PARD3: variants seen among roughly 807,000 people sequenced by gnomAD.
PARD3 encodes partitioning defective 3 homolog.
Under a neutral mutation model 155.4 loss-of-function variants are expected in PARD3, and 75 were observed. The ratio of observed to expected loss-of-function variants is 0.48; its 90% CI spans 0.40 to 0.58. The LOEUF is 0.58. PARD3 is among the 20% of genes least tolerant of loss of function. The pLI, the probability that PARD3 is intolerant of heterozygous loss-of-function variation, is 0.00. For missense variants in PARD3, 1,642 were observed against 1,721.7 expected (o/e 0.95, Z 0.82); for synonymous variants, 576 against 610.5 (o/e 0.94, Z 0.83).
intron 22 of PARD3, among the ~76,000 whole-genome samples, chr10:34,158,738 A>G (rs1287338618): frequency 6.6e-6 from 1 of 152,210 alleles, no homozygotes; most frequent in Non-Finnish European, 1.5e-5. Context: ...ACCACTAGCT[A>G]CAAGTGGCTA....
At chr10:34,149,100 T>C (rs1310934244) in intron 22 of PARD3, among the ~76,000 whole-genome samples, 2 of 152,100 alleles carry the variant, frequency 1.3e-5, no homozygotes, top group Admixed American at 1.3e-4. Flanking sequence ...AATCTTATAA[T>C]TGATTAAAAA....
intron 2 of PARD3, among the ~76,000 whole-genome samples, chr10:34,605,180 ATTTTTTTTTTT>A (rs750688603): frequency 3.2e-5 from 2 of 62,430 alleles, no homozygotes; most frequent in African/African-American, 1.1e-4. Flanking sequence ...CCAAAATGAA[ATTTTTTTTTTT>A]TTTTTTTTTT....
intron 4 of PARD3, among the ~76,000 whole-genome samples, chr10:34,456,256 T>G (rs185407115): frequency 6.6e-6 from 1 of 152,300 alleles, no homozygotes; most frequent in East Asian, 1.9e-4. Flanking sequence ...CAGCACCTCT[T>G]TAGCTCAAAT....
intron 16 of PARD3, among the ~76,000 whole-genome samples, chr10:34,339,162 T>C (rs1257343710): frequency 2.0e-5 from 3 of 152,228 alleles, no homozygotes; most frequent in Non-Finnish European, 4.4e-5. Flanking sequence ...TTTTATATAT[T>C]GTCAGTGGAT....
At chr10:34,390,929 A>G (rs1417954102) in intron 7 of PARD3, among the ~76,000 whole-genome samples, 1 of 152,248 alleles carries the variant, frequency 6.6e-6, no homozygotes, top group Non-Finnish European at 1.5e-5. Flanking sequence ...AAGAAAATTT[A>G]AAAATATACA....
Position 34,665,840 on chromosome 10 carries a change from A to AAGAACAGAACAGAACAGAACAGAGC in PARD3, c.222+30477_222+30478insGCTCTGTTCTGTTCTGTTCTGTTCT, listed in dbSNP as rs2093441660. Among the ~76,000 whole-genome samples the AAGAACAGAACAGAACAGAACAGAGC allele has an allele frequency of 2.2e-5, 3 of 136,584 alleles. 1 individual carries two copies. Among genetic ancestry groups the AAGAACAGAACAGAACAGAACAGAGC allele is most frequent in the Non-Finnish European group, 4.6e-5 (3 of 64,538 alleles). 89.6% of individuals were successfully genotyped at this position (136,584 alleles called of 152,430 possible). A position where few individuals can be genotyped will look rare whatever the true frequency, so the allele number is the denominator to read the frequency against. On this transcript the variant is annotated intron_variant, in intron 2 of 24. Transcript: ENST00000374788. ...GCTTTTTGAGACTTCGTCTCAATTA[A>AAGAACAGAACAGAACAGAACAGAGC]AGAACAGAACAGAACAGAACAGAAC...
chr10:34,181,579 A>G (rs35046543), intron 22 of PARD3, among the ~76,000 whole-genome samples: 4,187 of 152,256 alleles, frequency 0.027, 85 homozygotes, highest in Non-Finnish European at 0.041. Context: ...CATTTTCTCA[A>G]TATGTGTTGA....
At chr10:34,571,779 A>C (rs1011291044) in intron 2 of PARD3, among the ~76,000 whole-genome samples, 4 of 152,252 alleles carry the variant, frequency 2.6e-5, no homozygotes, top group African/African-American at 4.8e-5. Context: ...CTGAGTTGTG[A>C]AATTACTCTT....
At chr10:34,524,942 G>A (rs904143460) in intron 2 of PARD3, among the ~76,000 whole-genome samples, 6 of 152,126 alleles carry the variant, frequency 3.9e-5, no homozygotes, top group East Asian at 1.9e-4. Context: ...TAATTATTAC[G>A]TAGACACAAC....
intron 1 of PARD3, among the ~76,000 whole-genome samples, chr10:34,698,134 C>T (rs1344422151): frequency 2.0e-5 from 3 of 151,716 alleles, no homozygotes; most frequent in Non-Finnish European, 2.9e-5. Context: ...TAAAATACTT[C>T]CACACACACA....
chr10:34,414,666 A>T (rs1199275525), intron 5 of PARD3, among the ~76,000 whole-genome samples: 1 of 152,022 alleles, frequency 6.6e-6, no homozygotes, highest in Non-Finnish European at 1.5e-5. Context: ...AAAAAAAATT[A>T]AAAGAAAAAA....
At chr10:34,280,617 A>G (rs760345099) in intron 21 of PARD3, among the ~76,000 whole-genome samples, 2 of 152,168 alleles carry the variant, frequency 1.3e-5, no homozygotes, top group Non-Finnish European at 2.9e-5. Context: ...ACTGCTTTAA[A>G]CTTGCTCGCA....
intron 1 of PARD3, among the ~76,000 whole-genome samples, chr10:34,754,976 A>G (rs963679239): frequency 1.3e-5 from 2 of 152,244 alleles, no homozygotes; most frequent in Non-Finnish European, 2.9e-5. Context: ...GAAGTCCTTA[A>G]AGCTTATGAG....
chr10:34,270,581 A>G (rs567686051), intron 21 of PARD3, among the ~76,000 whole-genome samples: 38 of 152,348 alleles, frequency 2.5e-4, no homozygotes, highest in African/African-American at 8.9e-4. Flanking sequence ...AACGTTACAT[A>G]CACTTTATAT....
At chr10:34,231,899 C>G (rs1009022217) in intron 22 of PARD3, among the ~76,000 whole-genome samples, 1 of 152,056 alleles carries the variant, frequency 6.6e-6, no homozygotes, top group Admixed American at 6.5e-5. Context: ...TTTTGTCCTC[C>G]TATAAAAATA....
intron 1 of PARD3, among the ~76,000 whole-genome samples, chr10:34,745,854 A>AC (rs1235341162): frequency 6.6e-6 from 1 of 152,202 alleles, no homozygotes; most frequent in Non-Finnish European, 1.5e-5. Context: ...TAATCCCAGC[A>AC]CTTTGGGAGG....
chr10:34,336,293 C>A, intron 17 of PARD3, 50 bp from the exon 18 acceptor site: 1 of 1,371,520 alleles, frequency 7.3e-7, no homozygotes. Flanking sequence ...TCCCATAGCC[C>A]ACCATGCTTC....
chr10:34,714,160 A>T (rs1328168046), intron 1 of PARD3, among the ~76,000 whole-genome samples: 1 of 152,104 alleles, frequency 6.6e-6, no homozygotes, highest in Non-Finnish European at 1.5e-5. Flanking sequence ...CAAAAACTTG[A>T]CCCCGAAGTA....
At chr10:34,336,370 A>G in intron 17 of PARD3, 127 bp from the exon 18 acceptor site, 1 of 644,962 alleles carries the variant, frequency 1.6e-6, no homozygotes, top group Non-Finnish European at 2.7e-6. Context: ...ATACTATGAA[A>G]CATCAAGCAA....
Sources: allele counts gnomAD v4.1 joint callset (sites outside exome capture counted in the v4.1 genomes callset), GRCh38; gene constraint gnomAD v4.1.1; transcripts MANE v1.5; gene names NCBI Gene and HGNC (gene_info 2026-07-23, HGNC 2026-07-21).